The following KCNIP4 variants were observed in gnomAD, a reference collection of about 807,000 sequenced individuals.
KCNIP4 encodes potassium voltage-gated channel interacting protein 4.
KCNIP4 carries 12 observed loss-of-function variants against 34.0 expected under a neutral mutation model. The ratio of observed to expected loss-of-function variants is 0.35; its 90% CI spans 0.23 to 0.57. KCNIP4 has a LOEUF of 0.57. KCNIP4 is among the 20% of genes least tolerant of loss of function. The pLI, the probability that KCNIP4 is intolerant of heterozygous loss-of-function variation, is 0.83. For missense variants in KCNIP4, 238 were observed against 311.7 expected, an observed-to-expected ratio of 0.76 and a Z score of 1.78; for synonymous variants, 124 against 102.2, an observed-to-expected ratio of 1.21 and a Z score of -1.29.
intron 1 of KCNIP4, among the ~76,000 whole-genome samples, chr4:20,974,278 G>A (rs541166128): frequency 6.6e-6 from 1 of 152,304 alleles, no homozygotes; most frequent in Non-Finnish European, 1.5e-5. Context: ...TTCAGCTGGA[G>A]AGAAAATGAA....
chr4:21,432,590 C>A (rs1377862714), intron 1 of KCNIP4, among the ~76,000 whole-genome samples: 1 of 152,090 alleles, frequency 6.6e-6, no homozygotes, highest in South Asian at 2.1e-4. Context: ...GGAAAAAGAC[C>A]AGTACCAAAG....
At chr4:21,764,503 G>C (rs1394453985) in intron 1 of KCNIP4, among the ~76,000 whole-genome samples, 1 of 152,088 alleles carries the variant, frequency 6.6e-6, no homozygotes, top group Non-Finnish European at 1.5e-5. Flanking sequence ...AATGAAACAA[G>C]GTGTGTCATA....
At chr4:21,382,752 A>G (rs898568208) in intron 1 of KCNIP4, among the ~76,000 whole-genome samples, 2 of 152,214 alleles carry the variant, frequency 1.3e-5, no homozygotes, top group African/African-American at 4.8e-5. Context: ...TATCCATGAA[A>G]CAAAATACCA....
intron 1 of KCNIP4, chr4:20,916,273 C>G (rs559609908): frequency 3.2e-4 from 308 of 974,688 alleles, no homozygotes; most frequent in Non-Finnish European, 3.6e-4. Flanking sequence ...TGACCTCCAC[C>G]CACATTTCCT....
chr4:21,672,914 C>A lies in KCNIP4; in HGVS notation c.61+275657G>T, dbSNP rs987751407. Among the ~76,000 whole-genome samples, 4 of 152,192 alleles carry A rather than the reference C, an allele frequency of 2.6e-5. No homozygotes were observed. The East Asian group carries it at 7.7e-4, about 29-fold the overall frequency. On this transcript the variant is annotated intron_variant, in intron 1 of 8. Transcript: ENST00000382152. ...CATGGCTCATGCACAAGACTGTTGG[C>A]GGGAGGCCTCACTTTCCTGCCATGC... is the stretch of plus-strand genomic sequence containing the variant.
intron 1 of KCNIP4, among the ~76,000 whole-genome samples, chr4:21,475,938 T>A (rs1289642989): frequency 6.6e-6 from 1 of 152,174 alleles, no homozygotes; most frequent in Non-Finnish European, 1.5e-5. Flanking sequence ...TTTTTTCCAA[T>A]GCGCTGTTAT....
intron 1 of KCNIP4, among the ~76,000 whole-genome samples, chr4:21,076,310 C>T (rs188192687): frequency 1.1e-3 from 168 of 152,236 alleles, no homozygotes; most frequent in African/African-American, 3.9e-3. Flanking sequence ...TCATCTCCCA[C>T]ATGAATATTC....
At chr4:20,945,961 T>C (rs932201271) in intron 1 of KCNIP4, among the ~76,000 whole-genome samples, 1 of 151,960 alleles carries the variant, frequency 6.6e-6, no homozygotes, top group South Asian at 2.1e-4. Context: ...GAAAGATAAA[T>C]ATAAGGACTG....
intron 1 of KCNIP4, among the ~76,000 whole-genome samples, chr4:21,925,391 T>C (rs1221810594): frequency 3.3e-5 from 5 of 152,116 alleles, no homozygotes; most frequent in Non-Finnish European, 5.9e-5. Flanking sequence ...GTTTCATCCA[T>C]GTCCCTACAA....
chr4:21,258,624 C>G (rs1761239352), intron 1 of KCNIP4, among the ~76,000 whole-genome samples: 1 of 152,068 alleles, frequency 6.6e-6, no homozygotes. Flanking sequence ...ATTACTTGTG[C>G]ATTTGAAAAC....
chr4:21,891,303 T>C (rs1403681450), intron 1 of KCNIP4, among the ~76,000 whole-genome samples: 2 of 151,900 alleles, frequency 1.3e-5, no homozygotes, highest in Non-Finnish European at 2.9e-5. Context: ...GAATCTCACC[T>C]CCCCCCTTGC....
intron 1 of KCNIP4, among the ~76,000 whole-genome samples, chr4:21,279,076 A>G (rs1330457722): frequency 6.6e-6 from 1 of 152,214 alleles, no homozygotes; most frequent in Non-Finnish European, 1.5e-5. Context: ...GGAAAACTCA[A>G]GGACGATGAG....
intron 1 of KCNIP4, among the ~76,000 whole-genome samples, chr4:21,283,252 A>G (rs936195395): frequency 1.3e-5 from 2 of 152,192 alleles, no homozygotes; most frequent in Admixed American, 1.3e-4. Context: ...GTTAGATATC[A>G]TGATTGTACA....
chr4:20,982,498 G>A (rs1436136460), intron 1 of KCNIP4, among the ~76,000 whole-genome samples: 1 of 152,096 alleles, frequency 6.6e-6, no homozygotes, highest in Non-Finnish European at 1.5e-5. Context: ...TGAAATATAA[G>A]AAAAGGAAAA....
chr4:21,258,393 T>C (rs757658003), intron 1 of KCNIP4, among the ~76,000 whole-genome samples: 14 of 152,196 alleles, frequency 9.2e-5, no homozygotes, highest in Admixed American at 5.9e-4. Flanking sequence ...TACTTTATCA[T>C]GTATGTACGC....
chr4:21,501,991 A>ACG (rs1472924680), intron 1 of KCNIP4, among the ~76,000 whole-genome samples: 1 of 97,890 alleles, frequency 1.0e-5, no homozygotes, highest in African/African-American at 4.5e-5. Flanking sequence ...TCTCATGCAC[A>ACG]CGCACACACA....
chr4:21,090,645 CA>C (rs1163146019), intron 1 of KCNIP4, among the ~76,000 whole-genome samples: 3 of 152,136 alleles, frequency 2.0e-5, no homozygotes, highest in Non-Finnish European at 4.4e-5. Flanking sequence ...TTTTAAGTCA[CA>C]GATTGTTTCA....
chr4:21,116,975 A>G (rs539861388), intron 1 of KCNIP4, among the ~76,000 whole-genome samples: 1 of 152,304 alleles, frequency 6.6e-6, no homozygotes, highest in Non-Finnish European at 1.5e-5. Flanking sequence ...ATAATTAATT[A>G]AAATACAAAT....
At chr4:21,681,984 G>T (rs987983011) in intron 1 of KCNIP4, among the ~76,000 whole-genome samples, 1 of 151,946 alleles carries the variant, frequency 6.6e-6, no homozygotes, top group African/African-American at 2.4e-5. Context: ...TGCCTCTTGG[G>T]TTCAAGTGAT....
Sources: allele counts gnomAD v4.1 joint callset (sites outside exome capture counted in the v4.1 genomes callset), GRCh38; gene constraint gnomAD v4.1.1; transcripts MANE v1.5; gene names NCBI Gene and HGNC (gene_info 2026-07-23, HGNC 2026-07-21).